Variants in DPP10 observed in about 807,000 individuals in gnomAD.
DPP10 encodes the protein inactive dipeptidyl peptidase 10.
A neutral mutation model predicts 120.9 loss-of-function variants in DPP10; 33 were observed. That is an observed-to-expected ratio of 0.27 (90% CI 0.21 to 0.37). The LOEUF is 0.37. DPP10 is among the 10% of genes least tolerant of loss of function. The probability of loss-of-function intolerance (pLI) is 1.00; values close to 1 mark genes in which losing one functional copy is unlikely to be tolerated. For missense variants in DPP10, 816 were observed against 942.8 expected (o/e 0.87, Z 1.76); for synonymous variants, 337 against 326.1 (o/e 1.03, Z -0.36).
chr2:114,680,102 T>A (rs886847246), intron 1 of DPP10, among the ~76,000 whole-genome samples: 1 of 152,038 alleles, frequency 6.6e-6, no homozygotes, highest in African/African-American at 2.4e-5. Context: ...TTGAGGCTTA[T>A]CTATTTCAGT....
chr2:114,912,333 C>A (rs1460172856), intron 1 of DPP10, among the ~76,000 whole-genome samples: 4 of 152,084 alleles, frequency 2.6e-5, no homozygotes, highest in African/African-American at 9.7e-5. Flanking sequence ...CTATACAGAT[C>A]CTGCCTTGTA....
At chr2:115,592,752 C>T (rs2082744619) in intron 5 of DPP10, among the ~76,000 whole-genome samples, 1 of 150,894 alleles carries the variant, frequency 6.6e-6, no homozygotes, top group African/African-American at 2.4e-5. Context: ...GACACTCGGT[C>T]TCAAAAACAA....
chr2:115,836,793 A>G (rs751484224), intron 24 of DPP10, 47 bp downstream of exon 24: 3 of 1,550,314 alleles, frequency 1.9e-6, no homozygotes, highest in Non-Finnish European at 2.6e-6. Context: ...ATGACCTTTT[A>G]CAAAGGGATA....
At chr2:115,184,245 A>AC (rs2054276472) in intron 1 of DPP10, among the ~76,000 whole-genome samples, 3 of 152,210 alleles carry the variant, frequency 2.0e-5, no homozygotes, top group Admixed American at 2.0e-4. Flanking sequence ...TCTGAATGAT[A>AC]TAAACTTTAG....
intron 5 of DPP10, among the ~76,000 whole-genome samples, chr2:115,576,436 T>C (rs2081660686): frequency 6.6e-6 from 1 of 152,210 alleles, no homozygotes; most frequent in Non-Finnish European, 1.5e-5. Flanking sequence ...ATCTCAAGAA[T>C]ATTTTAGACG....
intron 1 of DPP10, among the ~76,000 whole-genome samples, chr2:114,961,651 A>G (rs1385959362): frequency 6.6e-6 from 1 of 152,054 alleles, no homozygotes; most frequent in Non-Finnish European, 1.5e-5. Flanking sequence ...AGGGTATGGA[A>G]TGTATGCTTT....
At chr2:115,360,242 T>C (rs10864939) in intron 3 of DPP10, among the ~76,000 whole-genome samples, 69,272 of 152,080 alleles carry the variant, frequency 0.46, 16,698 homozygotes, top group Non-Finnish European at 0.55. Flanking sequence ...AGTGTTATTT[T>C]ATCTTTCAGA....
intron 1 of DPP10, among the ~76,000 whole-genome samples, chr2:114,993,786 C>G (rs1486732969): frequency 1.3e-5 from 2 of 151,840 alleles, no homozygotes; most frequent in African/African-American, 4.8e-5. Flanking sequence ...TGTTTTTATA[C>G]ACATAGATGT....
At chr2:114,823,219 G>C (rs1018901717) in intron 1 of DPP10, among the ~76,000 whole-genome samples, 1 of 152,144 alleles carries the variant, frequency 6.6e-6, no homozygotes, top group African/African-American at 2.4e-5. Flanking sequence ...ACAATCCTGG[G>C]GGAAGGGAAC....
At chr2:115,136,076 G>A (rs1279642976) in intron 1 of DPP10, among the ~76,000 whole-genome samples, 2 of 151,818 alleles carry the variant, frequency 1.3e-5, no homozygotes, top group African/African-American at 2.4e-5. Flanking sequence ...GAAGGAACAG[G>A]GAAGAAAAAA....
At chr2:114,466,100 A>G (rs2104588646) in intron 1 of DPP10, among the ~76,000 whole-genome samples, 1 of 152,280 alleles carries the variant, frequency 6.6e-6, no homozygotes, top group South Asian at 2.1e-4. Flanking sequence ...AAATTCATCT[A>G]TAAATTTATT....
intron 11 of DPP10, among the ~76,000 whole-genome samples, chr2:115,761,415 C>A (rs1296098371): frequency 6.6e-6 from 1 of 152,042 alleles, no homozygotes; most frequent in East Asian, 1.9e-4. Context: ...TACTATTGAT[C>A]TGACACCTTA....
chr2:114,475,728 T>C (rs1394087023), intron 1 of DPP10, among the ~76,000 whole-genome samples: 1 of 152,166 alleles, frequency 6.6e-6, no homozygotes, highest in Non-Finnish European at 1.5e-5. Flanking sequence ...CGTCTGAAAA[T>C]GCAAGGTATC....
chr2:115,376,153 G>A (rs1473057112), intron 3 of DPP10, among the ~76,000 whole-genome samples: 1 of 152,126 alleles, frequency 6.6e-6, no homozygotes, highest in African/African-American at 2.4e-5. Flanking sequence ...TCATTTGTCT[G>A]CTTGTTTGTT....
chr2:115,275,739 G>T (rs1317815088), intron 1 of DPP10, among the ~76,000 whole-genome samples: 3 of 128,980 alleles, frequency 2.3e-5, no homozygotes. Context: ...TCGCTCTGTC[G>T]CCCAGGCTGG....
chr2:115,418,214 G>T (rs973982534), intron 3 of DPP10, among the ~76,000 whole-genome samples: 4 of 152,124 alleles, frequency 2.6e-5, no homozygotes, highest in African/African-American at 9.7e-5. Context: ...CATTGTTTTT[G>T]GTCTGGCCAG....
chr2:115,230,968 C>T (rs1252907757), intron 1 of DPP10, among the ~76,000 whole-genome samples: 1 of 151,822 alleles, frequency 6.6e-6, no homozygotes, highest in African/African-American at 2.4e-5. Flanking sequence ...TTAGGGGAAG[C>T]AAGGTGAACC....
chr2:115,711,834 A>C (rs553686187), intron 7 of DPP10, among the ~76,000 whole-genome samples: 3 of 150,984 alleles, frequency 2.0e-5, no homozygotes, highest in Non-Finnish European at 4.4e-5. Context: ...TCCATATATT[A>C]GTTCATTTTT....
chr2:114,778,576 A>T (rs979295474), intron 1 of DPP10, among the ~76,000 whole-genome samples: 1 of 152,070 alleles, frequency 6.6e-6, no homozygotes, highest in South Asian at 2.1e-4. Flanking sequence ...GGCTTTGTTA[A>T]AGTCTAGAGT....
Sources: gnomAD v4.1 joint callset for allele counts (sites outside exome capture counted in the v4.1 genomes callset) on GRCh38, gnomAD v4.1.1 for gene constraint, MANE v1.5 for transcripts, NCBI Gene and HGNC (gene_info 2026-07-23, HGNC 2026-07-21) for gene names.